Variants in GBF1 observed in about 807,000 individuals in gnomAD.
The protein encoded by GBF1 is Golgi-specific brefeldin A-resistance guanine nucleotide exchange factor 1.
A neutral mutation model predicts 210.5 loss-of-function variants in GBF1; 114 were observed. The observed-to-expected ratio is 0.54, with a 90% CI of 0.47 to 0.63. The LOEUF (loss-of-function observed/expected upper bound fraction) is 0.63, where lower values mean the gene tolerates loss of function less well. Ranked by LOEUF, GBF1 falls within the 30% of genes least tolerant of loss-of-function variation. GBF1 has a pLI of 0.00. For synonymous variants in GBF1, 850 were observed against 889.2 expected (o/e 0.96, Z 0.78); for missense variants, 1,851 against 2,357.7 (o/e 0.79, Z 4.45).
At chr10:102,339,096 C>T (rs998407837) in intron 3 of GBF1, among the ~76,000 whole-genome samples, 6 of 152,216 alleles carry the variant, frequency 3.9e-5, no homozygotes, top group Non-Finnish European at 8.8e-5. Context: ...GGCATGGTGG[C>T]TCACGCCTAT....
chr10:102,340,343 G>A (rs940746667), intron 3 of GBF1, among the ~76,000 whole-genome samples: 5 of 138,008 alleles, frequency 3.6e-5, no homozygotes, highest in African/African-American at 1.1e-4. Flanking sequence ...CACGATCTCC[G>A]CTCACTGCAA....
At chr10:102,328,621 T>C (rs2057090155) in intron 3 of GBF1, among the ~76,000 whole-genome samples, 2 of 152,220 alleles carry the variant, frequency 1.3e-5, no homozygotes, top group African/African-American at 4.8e-5. Context: ...TGAGAGTGAA[T>C]AAGTAAGGTC....
chr10:102,232,155 C>T, the GBF1 span: 1 of 909,444 alleles, frequency 1.1e-6, no homozygotes, highest in Non-Finnish European at 1.7e-6. Flanking sequence ...TAGCTAGGTC[C>T]CAGCAGCGTT....
At chr10:102,248,375 T>C (rs2071093227) in intron 1 of GBF1, among the ~76,000 whole-genome samples, 1 of 152,026 alleles carries the variant, frequency 6.6e-6, no homozygotes, top group Admixed American at 6.6e-5. Context: ...CCAATAATAA[T>C]AGAAGTGATC....
At chr10:102,340,570 G>C (rs1307983030) in intron 3 of GBF1, among the ~76,000 whole-genome samples, 2 of 151,830 alleles carry the variant, frequency 1.3e-5, no homozygotes, top group Non-Finnish European at 2.9e-5. Flanking sequence ...ACCACGCCTG[G>C]CCGTTTTTTT....
chr10:102,363,662 TA>T lies in GBF1; in HGVS notation c.2018-41del. 1.9e-5 allele frequency: 24 copies of T among 1,238,206 alleles called. No homozygotes were observed. Among genetic ancestry groups the T allele is most frequent in the Non-Finnish European group, 2.6e-5 (22 of 838,610 alleles). The allele number at this position is 1,238,206 out of a possible 1,614,324, so 76.7% of individuals were successfully genotyped here. Reference sequence around the variant, plus strand: ...GACCTTCCAAAAGTCCTTATCTGGGTAAAAAAAGGTGTTACAGATATTTCCC... The same window carrying T: ...GACCTTCCAAAAGTCCTTATCTGGGTAAAAAAGGTGTTACAGATATTTCCC... On this transcript the variant is annotated intron_variant, in intron 16 of 39. Coordinates refer to ENST00000369983, the MANE Select transcript of GBF1 (RefSeq NM_001377137.1). The surrounding 1 kb of genome is among the most constrained non-coding windows in gnomAD (Gnocchi z 4.2).
chr10:102,248,259 C>T (rs2071076805), intron 1 of GBF1, among the ~76,000 whole-genome samples: 1 of 151,460 alleles, frequency 6.6e-6, no homozygotes, highest in African/African-American at 2.4e-5. Context: ...ATATAATGAG[C>T]TGCTGTTTAG....
At chr10:102,261,487 A>T (rs1272183163) in intron 3 of GBF1, among the ~76,000 whole-genome samples, 1 of 152,194 alleles carries the variant, frequency 6.6e-6, no homozygotes, top group African/African-American at 2.4e-5. Flanking sequence ...CAAATTAAAC[A>T]AACAATAAGA....
At chr10:102,374,800 C>A (rs1349946266) in intron 29 of GBF1, among the ~76,000 whole-genome samples, 1 of 152,118 alleles carries the variant, frequency 6.6e-6, no homozygotes, top group East Asian at 1.9e-4. Context: ...TTGGGATAAA[C>A]TGGGCAAAGT....
intron 18 of GBF1, 86 bp downstream of exon 18, chr10:102,365,685 C>T (rs1047911568): frequency 1.7e-6 from 2 of 1,156,244 alleles, no homozygotes; most frequent in African/African-American, 3.0e-5. Context: ...CTGAGGCAGG[C>T]AGATCACTCG....
At chr10:102,235,259 G>A in the GBF1 span, among the ~76,000 whole-genome samples, 3 of 151,156 alleles carry the variant, frequency 2.0e-5, no homozygotes, top group Non-Finnish European at 4.4e-5. Flanking sequence ...GGGAGGAGCA[G>A]GCCAAGGGGC....
At chr10:102,231,917 G>A in the GBF1 span, 9 of 1,564,738 alleles carry the variant, frequency 5.8e-6, no homozygotes, top group Non-Finnish European at 7.0e-6. Flanking sequence ...CCCGCACTGG[G>A]GATGAAGCTG....
At chr10:102,280,760 A>T (rs183466077) in intron 3 of GBF1, among the ~76,000 whole-genome samples, 2 of 152,340 alleles carry the variant, frequency 1.3e-5, no homozygotes. Flanking sequence ...CCCTCTGGAC[A>T]GATTCCCCTC....
At chr10:102,318,991 AC>A (rs1469686668) in intron 3 of GBF1, among the ~76,000 whole-genome samples, 1 of 152,036 alleles carries the variant, frequency 6.6e-6, no homozygotes, top group Non-Finnish European at 1.5e-5. Flanking sequence ...GGAAGCCAAG[AC>A]AGGAGGATCT....
In GBF1 at chr10:102,367,080, T is replaced by C. The variant is rs2059957421; in HGVS notation, c.2434-5T>C. On this transcript the variant is annotated splice_region_variant and splice_polypyrimidine_tract_variant and intron_variant, in intron 19 of 39. Transcript: ENST00000369983. ...TTGACACAGGCGGGATCTTTGCTTTTTCAGAATTGTAATGGCTCCCCATTT... is the reference window on the plus strand; with the variant it reads ...TTGACACAGGCGGGATCTTTGCTTTCTCAGAATTGTAATGGCTCCCCATTT... 1.2e-6 allele frequency: 2 copies of C among 1,613,982 alleles called. No homozygotes were observed. The highest frequency in any genetic ancestry group is 1.7e-6 in the Non-Finnish European group (2 of 1,179,994).
At chr10:102,240,442 C>A (rs1041965527), upstream of GBF1, among the ~76,000 whole-genome samples, 4 of 152,254 alleles carry the variant, frequency 2.6e-5, no homozygotes, top group Middle Eastern at 3.2e-3. Flanking sequence ...AGCTTCGCAG[C>A]CCGAAGGAGC....
intron 1 of GBF1, among the ~76,000 whole-genome samples, chr10:102,248,052 ACTCTATTT>A (rs2071055593): frequency 6.6e-6 from 1 of 151,798 alleles, no homozygotes; most frequent in African/African-American, 2.4e-5. Context: ...TTTTGAGGAG[ACTCTATTT>A]ATAGAGTACT....
intron 29 of GBF1, among the ~76,000 whole-genome samples, chr10:102,373,579 C>G (rs1239337027): frequency 6.6e-6 from 1 of 152,140 alleles, no homozygotes; most frequent in Admixed American, 6.6e-5. Flanking sequence ...AATAAAAACA[C>G]AATGAGACAT....
At chr10:102,373,368 A>G (rs1209169741) in intron 29 of GBF1, among the ~76,000 whole-genome samples, 3 of 152,168 alleles carry the variant, frequency 2.0e-5, no homozygotes, top group African/African-American at 7.2e-5. Context: ...TGAGGTCAGG[A>G]GTTTGAGCCC....
Sources: gnomAD v4.1 joint callset for allele counts (sites outside exome capture counted in the v4.1 genomes callset) on GRCh38, gnomAD v4.1.1 for gene constraint, Gnocchi (gnomAD v3.1) non-coding constraint, MANE v1.5 for transcripts, NCBI Gene and HGNC (gene_info 2026-07-23, HGNC 2026-07-21) for gene names.